Variants in DBF4B observed in about 807,000 individuals in gnomAD.
DBF4B encodes protein DBF4 homolog B.
In DBF4B, 49 loss-of-function variants were observed where a neutral mutation model predicts 53.4. The ratio of observed to expected loss-of-function variants is 0.92; its 90% CI spans 0.73 to 1.16. The LOEUF is 1.16. Among genes scored for constraint, DBF4B ranks in the 50% most tolerant of loss-of-function variants. DBF4B has a pLI of 0.00. For missense variants in DBF4B, 692 were observed against 775.0 expected (o/e 0.89, Z 1.27); for synonymous variants, 257 against 288.7 (o/e 0.89, Z 1.11).
chr17:44,748,331 G>A lies in DBF4B; in HGVS notation c.1065-10G>A. 16 of 1,584,236 alleles carry A rather than the reference G, an allele frequency of 1.0e-5. No homozygotes were observed. The highest frequency in any genetic ancestry group is 1.4e-5 in the Non-Finnish European group (16 of 1,165,108). On this transcript the variant is annotated splice_polypyrimidine_tract_variant and intron_variant, in intron 12 of 13. Coordinates refer to ENST00000315005, the MANE Select transcript of DBF4B (RefSeq NM_145663.3). ...GAAACCTGCAGCTCACAGTGTTTCT[G>A]TCCCAACAGGTGGTCAGGTTCCCCA...
At chr17:44,722,099 A>G (rs1973901010) in intron 2 of DBF4B, among the ~76,000 whole-genome samples, 1 of 151,090 alleles carries the variant, frequency 6.6e-6, no homozygotes, top group Admixed American at 6.6e-5. Context: ...GCGCCATTGC[A>G]CTCCAGCCTG....
rs916745394 is a variant in DBF4B at position 44,749,760 on chromosome 17, C to T, written c.1190-835C>T. 8.9e-7 allele frequency: 1 copy of T among 1,119,556 alleles called. No homozygotes were observed. The highest frequency in any genetic ancestry group is 1.1e-6 in the Non-Finnish European group (1 of 905,368). 69.4% of individuals were successfully genotyped at this position (1,119,556 alleles called of 1,614,324 possible). ...CCTGGCCCGGCTTCCTGGCCCTCCA[C>T]AGGCCCTTGCCTCTCTGCAGAGCCG... On this transcript the variant is annotated intron_variant, in intron 13 of 13. Transcript: ENST00000315005. This position sits in a 1 kb window ranked among gnomAD's most constrained non-coding sequence, Gnocchi z 4.4.
intron 9 of DBF4B, among the ~76,000 whole-genome samples, chr17:44,738,636 G>A (rs1242655794): frequency 6.6e-6 from 1 of 152,190 alleles, no homozygotes. Flanking sequence ...ACAGTGAATA[G>A]TCCTCTTGGA....
intron 2 of DBF4B, among the ~76,000 whole-genome samples, chr17:44,715,812 C>CTTTTTTTTTTTTTTT (rs869200833): frequency 3.6e-5 from 2 of 55,512 alleles, no homozygotes; most frequent in Non-Finnish European, 6.5e-5. Flanking sequence ...TTCTTTCTTT[C>CTTTTTTTTTTTTTTT]TTTTTTTTTT....
chr17:44,749,498 G>T lies in DBF4B; in HGVS notation c.1189+1033G>T, dbSNP rs2145171721. 7.8e-7 allele frequency: 1 copy of T among 1,278,808 alleles called. No homozygotes were observed. Among genetic ancestry groups the T allele is most frequent in the East Asian group, 5.6e-5 (1 of 17,870 alleles). The allele number at this position is 1,278,808 out of a possible 1,614,324, so 79.2% of individuals were successfully genotyped here. A position where few individuals can be genotyped will look rare whatever the true frequency, so the allele number is the denominator to read the frequency against. Reference sequence around the variant, plus strand: ...GCCCGGGCCTGGCCTTTGAAGTCCAGCAAGCAGCTGTCACGCTCAGCTCCA... The same window carrying T: ...GCCCGGGCCTGGCCTTTGAAGTCCATCAAGCAGCTGTCACGCTCAGCTCCA... On this transcript the variant is annotated intron_variant, in intron 13 of 13. Coordinates refer to ENST00000315005, the MANE Select transcript of DBF4B (RefSeq NM_145663.3). This position sits in a 1 kb window ranked among gnomAD's most constrained non-coding sequence, Gnocchi z 4.4.
chr17:44,750,215 G>T, intron 13 of DBF4B: 1 of 1,008,510 alleles, frequency 9.9e-7, no homozygotes, highest in East Asian at 1.0e-4. Context: ...CATTAATCTG[G>T]AGACAGAAAT....
chr17:44,723,517 G>A (rs1318546911), intron 3 of DBF4B, among the ~76,000 whole-genome samples: 1 of 152,128 alleles, frequency 6.6e-6, no homozygotes, highest in African/African-American at 2.4e-5. Context: ...ACTCTGGGAG[G>A]CCAAGGCAGG....
Position 44,749,084 on chromosome 17 carries a change from G to A in DBF4B, c.1189+619G>A. 2 of 1,289,790 alleles carry A rather than the reference G, an allele frequency of 1.6e-6. No homozygotes were observed. The highest frequency in any genetic ancestry group is 2.0e-6 in the Non-Finnish European group (2 of 988,848). The allele number at this position is 1,289,790 out of a possible 1,614,324, so 79.9% of individuals were successfully genotyped here. ...CTCAGCTGCCCCACAGCTCCAGGCT[G>A]GCCATCAGCTCCCCTGTACTCAGCT... is the stretch of plus-strand genomic sequence containing the variant. On this transcript the variant is annotated intron_variant, in intron 13 of 13. Transcript: ENST00000315005. This position sits in a 1 kb window ranked among gnomAD's most constrained non-coding sequence, Gnocchi z 4.4.
rs1328348475 is a variant in DBF4B, at chr17:44,742,082, C to G, written c.830+630C>G. ...GGCACACAAACATAGCAAGACTCTG[C>G]CTCTACAAAAAATAAAAATAAAAAT... On this transcript the variant is annotated intron_variant, in intron 10 of 13. Coordinates refer to ENST00000315005, the MANE Select transcript of DBF4B (RefSeq NM_145663.3). Among the ~76,000 whole-genome samples, 4 of 150,740 alleles carry G rather than the reference C, an allele frequency of 2.7e-5. No homozygotes were observed. In the East Asian group the frequency reaches 5.8e-4, roughly 22 times the overall value.
Position 44,737,014 on chromosome 17 carries a change from G to A in DBF4B, c.667+148G>A, listed in dbSNP as rs1975513708. The A allele has an allele frequency of 1.1e-5, 11 of 969,882 alleles. No homozygotes were observed. The South Asian group carries it at 1.7e-4, about 15-fold the overall frequency. The allele number at this position is 969,882 out of a possible 1,614,324, so 60.1% of individuals were successfully genotyped here. On this transcript the variant is annotated intron_variant, in intron 8 of 13. Transcript: ENST00000315005. ...TGCCCCTTTGTGTTTCCAGGGCCTG[G>A]TCCTCAGGTTTCTGGAGCGAGAGAG...
chr17:44,729,679 CACAT>C (rs1466226516), intron 3 of DBF4B, among the ~76,000 whole-genome samples: 42 of 127,504 alleles, frequency 3.3e-4, no homozygotes, highest in Non-Finnish European at 5.0e-4. Context: ...ACCTGTAATA[CACAT>C]ACACACACAC....
chr17:44,749,030 G>GCCCTGTAT lies in DBF4B; in HGVS notation c.1189+569_1189+576dup. ...GAGGATTCTGAGTGTACAGCCACTG[G>GCCCTGTAT]CCCTGTATCCCAGGAGGCTGGCCAG... is the stretch of plus-strand genomic sequence containing the variant. On this transcript the variant is annotated intron_variant, in intron 13 of 13. Transcript: ENST00000315005. This position sits in a 1 kb window ranked among gnomAD's most constrained non-coding sequence, Gnocchi z 4.4. 8 of 1,289,832 alleles carry GCCCTGTAT rather than the reference G, an allele frequency of 6.2e-6. No homozygotes were observed. The highest frequency in any genetic ancestry group is 7.1e-6 in the Non-Finnish European group (7 of 988,858). 79.9% of individuals were successfully genotyped at this position (1,289,832 alleles called of 1,614,324 possible). A position where few individuals can be genotyped will look rare whatever the true frequency, so the allele number is the denominator to read the frequency against.
chr17:44,747,366 C>G, intron 11 of DBF4B, 25 bp from the exon 12 acceptor site: 1 of 1,613,074 alleles, frequency 6.2e-7, no homozygotes, highest in Non-Finnish European at 8.5e-7. Context: ...ATCTAATGCC[C>G]TGTGCTCCTC....
chr17:44,751,598 T>G lies in DBF4B; in HGVS notation c.*345T>G. ...CCTCTGCCCCAAAATGCCATGCTCC[T>G]CTCCTGGAAAACACTTGAGTTGATT... On this transcript the variant is annotated 3_prime_UTR_variant, in exon 14 of 14. Coordinates refer to ENST00000315005, the MANE Select transcript of DBF4B (RefSeq NM_145663.3). The G allele has an allele frequency of 7.4e-7, 1 of 1,344,410 alleles. No homozygotes were observed. The highest frequency in any genetic ancestry group is 1.8e-5 in the South Asian group (1 of 54,134). The allele number at this position is 1,344,410 out of a possible 1,614,324, so 83.3% of individuals were successfully genotyped here. A position where few individuals can be genotyped will look rare whatever the true frequency, so the allele number is the denominator to read the frequency against.
chr17:44,739,632 G>A (rs1431050031), intron 9 of DBF4B, among the ~76,000 whole-genome samples: 3 of 152,236 alleles, frequency 2.0e-5, no homozygotes, highest in Non-Finnish European at 2.9e-5. Flanking sequence ...CATATGCAAC[G>A]GCTGAAAGGC....
intron 2 of DBF4B, chr17:44,718,834 A>C (rs1330363244): frequency 6.6e-6 from 1 of 151,644 alleles, no homozygotes; most frequent in African/African-American, 2.4e-5. Flanking sequence ...TTGGTGCCGC[A>C]TGCCTGTAAT....
chr17:44,712,892 A>G lies in DBF4B; in HGVS notation c.82+3526A>G, dbSNP rs1035559080. ...GCCCAGTCAATTTTGAATTATATCT[A>G]TTGACTGTCTTCTATGGACAATAAA... On this transcript the variant is annotated intron_variant, in intron 2 of 13. Coordinates refer to ENST00000315005, the MANE Select transcript of DBF4B (RefSeq NM_145663.3). Among the ~76,000 whole-genome samples, 5 of 151,408 alleles carry G rather than the reference A, an allele frequency of 3.3e-5. No individual in the cohort carries two copies. In the South Asian group the frequency reaches 6.3e-4, roughly 19 times the overall value.
At position 44,751,291 on chromosome 17, in the gene DBF4B, G is replaced by T; in HGVS notation, c.*38G>T. The T allele has an allele frequency of 6.3e-7, 1 of 1,586,506 alleles. No homozygotes were observed. The highest frequency in any genetic ancestry group is 8.6e-7 in the Non-Finnish European group (1 of 1,166,440). On this transcript the variant is annotated 3_prime_UTR_variant, in exon 14 of 14. Coordinates refer to ENST00000315005, the MANE Select transcript of DBF4B (RefSeq NM_145663.3). ...AACACCTGAGACTTGACCCAGGATG[G>T]ATGGGTGCTGCTTGATGTGAATGAG...
chr17:44,729,858 C>T, intron 3 of DBF4B, 47 bp from the exon 4 acceptor site: 2 of 1,594,000 alleles, frequency 1.3e-6, no homozygotes, highest in Non-Finnish European at 1.7e-6. Flanking sequence ...ATTGACAATT[C>T]TGCATTTGCT....
Sources: allele counts gnomAD v4.1 joint callset (sites outside exome capture counted in the v4.1 genomes callset), GRCh38; gene constraint gnomAD v4.1.1; non-coding constraint Gnocchi (gnomAD v3.1); transcripts MANE v1.5; gene names NCBI Gene and HGNC (gene_info 2026-07-23, HGNC 2026-07-21).